SKAP2: variants seen among roughly 807,000 people sequenced by gnomAD.
The protein encoded by SKAP2 is src kinase associated phosphoprotein 2.
A neutral mutation model predicts 54.9 loss-of-function variants in SKAP2; 28 were observed. That is an observed-to-expected ratio of 0.51 (90% CI 0.38 to 0.70). The LOEUF (loss-of-function observed/expected upper bound fraction) is 0.70. SKAP2 is among the 30% of genes least tolerant of loss of function. The pLI, the probability that SKAP2 is intolerant of heterozygous loss-of-function variation, is 0.00. For synonymous variants in SKAP2, 137 were observed against 134.3 expected, an observed-to-expected ratio of 1.02 and a Z score of -0.14; for missense variants, 356 against 424.1, an observed-to-expected ratio of 0.84 and a Z score of 1.41.
chr7:26,693,638 T>C (rs1179578575), intron 9 of SKAP2, among the ~76,000 whole-genome samples: 1 of 152,174 alleles, frequency 6.6e-6, no homozygotes, highest in Non-Finnish European at 1.5e-5. Context: ...CTATAAAATA[T>C]CCAAATTGAA....
At chr7:26,765,546 G>C (rs1783033707) in intron 4 of SKAP2, among the ~76,000 whole-genome samples, 1 of 152,160 alleles carries the variant, frequency 6.6e-6, no homozygotes, top group Admixed American at 6.5e-5. Flanking sequence ...CTTTGCCCAT[G>C]CCTATGTCCT....
intron 1 of SKAP2, 26 bp from the exon 2 acceptor site, chr7:26,854,916 GATACAAATTATAAGAA>G: frequency 6.8e-7 from 1 of 1,466,720 alleles, no homozygotes; most frequent in Admixed American, 2.0e-5. Flanking sequence ...TAAGAAACAG[GATACAAATTATAAGAA>G]ATAAAGGTTT....
intron 4 of SKAP2, among the ~76,000 whole-genome samples, chr7:26,752,831 AG>A (rs1228796113): frequency 6.6e-6 from 1 of 152,198 alleles, no homozygotes; most frequent in East Asian, 1.9e-4. Flanking sequence ...GCTCTAACTC[AG>A]TGCCAGGACA....
chr7:26,833,768 T>C (rs1784647412), intron 4 of SKAP2, among the ~76,000 whole-genome samples: 1 of 151,638 alleles, frequency 6.6e-6, no homozygotes, highest in East Asian at 1.9e-4. Flanking sequence ...CACACAATGA[T>C]ACCGGTCAAT....
chr7:26,733,707 G>T (rs1787867141), intron 6 of SKAP2, among the ~76,000 whole-genome samples: 1 of 151,988 alleles, frequency 6.6e-6, no homozygotes, highest in African/African-American at 2.4e-5. Context: ...CTGAAATTTT[G>T]TTATCTTAAA....
intron 9 of SKAP2, among the ~76,000 whole-genome samples, chr7:26,694,905 T>C (rs1032489525): frequency 2.6e-5 from 4 of 152,122 alleles, no homozygotes; most frequent in Non-Finnish European, 2.9e-5. Context: ...TGCAAATCTG[T>C]CTAGCTATGC....
chr7:26,664,158 G>A (rs1786066249), downstream of SKAP2, among the ~76,000 whole-genome samples: 1 of 152,188 alleles, frequency 6.6e-6, no homozygotes, highest in South Asian at 2.1e-4. Flanking sequence ...AGGGCAAGGA[G>A]GCTGGTGTGA....
intron 7 of SKAP2, 124 bp downstream of exon 7, chr7:26,726,758 T>A: frequency 1.3e-6 from 1 of 796,746 alleles, no homozygotes. Flanking sequence ...ATAATATATT[T>A]AAACATCAGT....
At chr7:26,745,385 C>T (rs1028781335) in intron 4 of SKAP2, among the ~76,000 whole-genome samples, 1 of 152,150 alleles carries the variant, frequency 6.6e-6, no homozygotes, top group Non-Finnish European at 1.5e-5. Flanking sequence ...TATCTTTTTT[C>T]CTGACAATTC....
At chr7:26,724,211 C>A (rs1584352887) in intron 9 of SKAP2, among the ~76,000 whole-genome samples, 1 of 152,116 alleles carries the variant, frequency 6.6e-6, no homozygotes, top group Admixed American at 6.5e-5. Flanking sequence ...GGTTAGAAAA[C>A]CATTACTGTA....
chr7:26,775,555 G>A (rs1341943647), intron 4 of SKAP2, among the ~76,000 whole-genome samples: 2 of 150,120 alleles, frequency 1.3e-5, no homozygotes, highest in East Asian at 3.9e-4. Flanking sequence ...GTGTGTGTGT[G>A]TGTGTGTGTG....
intron 6 of SKAP2, among the ~76,000 whole-genome samples, chr7:26,729,154 A>G (rs779370696): frequency 2.6e-5 from 4 of 151,950 alleles, no homozygotes; most frequent in Non-Finnish European, 5.9e-5. Context: ...TTTTAGCCAA[A>G]CCCCCTAGAA....
chr7:26,829,278 G>A (rs933721528), intron 4 of SKAP2, among the ~76,000 whole-genome samples: 1 of 152,112 alleles, frequency 6.6e-6, no homozygotes, highest in Non-Finnish European at 1.5e-5. Context: ...CACTTTGGGA[G>A]GCTCAACACT....
intron 4 of SKAP2, among the ~76,000 whole-genome samples, chr7:26,798,121 G>C (rs1043620256): frequency 2.0e-5 from 3 of 151,824 alleles, no homozygotes; most frequent in African/African-American, 7.3e-5. Flanking sequence ...TTAACCCAAA[G>C]GTTAAAGCAT....
chr7:26,837,476 C>T (rs541394072), intron 4 of SKAP2, among the ~76,000 whole-genome samples: 19 of 152,172 alleles, frequency 1.2e-4, no homozygotes, highest in African/African-American at 4.3e-4. Flanking sequence ...GCAGGCACAA[C>T]ACACGGTAAA....
At chr7:26,790,290 G>A (rs1783646863) in intron 4 of SKAP2, among the ~76,000 whole-genome samples, 1 of 152,188 alleles carries the variant, frequency 6.6e-6, no homozygotes, top group South Asian at 2.1e-4. Flanking sequence ...TGACCTAGCA[G>A]TGAACTAGAG....
At chr7:26,718,317 G>A (rs1584349338) in intron 9 of SKAP2, among the ~76,000 whole-genome samples, 1 of 151,482 alleles carries the variant, frequency 6.6e-6, no homozygotes. Flanking sequence ...GAAAATGAAA[G>A]GAAGAAAATT....
At chr7:26,700,343 C>G (rs1384398671) in intron 9 of SKAP2, among the ~76,000 whole-genome samples, 1 of 152,132 alleles carries the variant, frequency 6.6e-6, no homozygotes, top group Non-Finnish European at 1.5e-5. Context: ...ACATAAAAGA[C>G]TCTCTTTGAT....
At chr7:26,798,606 A>G (rs1783836241) in intron 4 of SKAP2, among the ~76,000 whole-genome samples, 1 of 151,250 alleles carries the variant, frequency 6.6e-6, no homozygotes, top group Admixed American at 6.6e-5. Context: ...GTACACAGAA[A>G]AACACAGAAT....
Sources: allele counts gnomAD v4.1 joint callset (sites outside exome capture counted in the v4.1 genomes callset), GRCh38; gene constraint gnomAD v4.1.1; transcripts MANE v1.5; gene names NCBI Gene and HGNC (gene_info 2026-07-23, HGNC 2026-07-21).